RBFOX1: variants seen among roughly 807,000 people sequenced by gnomAD.
The protein encoded by RBFOX1 is RNA binding fox-1 homolog 1.
Under a neutral mutation model 57.7 loss-of-function variants are expected in RBFOX1, and 8 were observed. The ratio of observed to expected loss-of-function variants is 0.14; its 90% CI spans 0.08 to 0.25. The LOEUF (loss-of-function observed/expected upper bound fraction) is 0.25. Ranked by LOEUF, RBFOX1 falls within the 10% of genes least tolerant of loss-of-function variation. RBFOX1 has a pLI of 1.00. For missense variants in RBFOX1, 611 were observed against 548.5 expected (o/e 1.11, Z -1.14); for synonymous variants, 326 against 222.4 (o/e 1.47, Z -4.15).
chr16:6,896,923 A>C (rs993796868), intron 3 of RBFOX1, among the ~76,000 whole-genome samples: 37 of 152,258 alleles, frequency 2.4e-4, no homozygotes, highest in African/African-American at 8.4e-4. Flanking sequence ...CATTTGGTGA[A>C]AGAAAGCAAA....
At chr16:6,608,100 C>T (rs1247748806) in intron 2 of RBFOX1, among the ~76,000 whole-genome samples, 4 of 152,166 alleles carry the variant, frequency 2.6e-5, no homozygotes, top group Non-Finnish European at 5.9e-5. Context: ...TCTCATAGCA[C>T]CTGAAACAAC....
chr16:6,777,969 C>T (rs1209006603), intron 3 of RBFOX1, among the ~76,000 whole-genome samples: 1 of 152,120 alleles, frequency 6.6e-6, no homozygotes, highest in African/African-American at 2.4e-5. Flanking sequence ...ATGTGAGCAG[C>T]AGAATAAATA....
At chr16:5,735,985 A>C (rs2052556161) in intron 3 of RBFOX1, among the ~76,000 whole-genome samples, 1 of 152,148 alleles carries the variant, frequency 6.6e-6, no homozygotes, top group Non-Finnish European at 1.5e-5. Flanking sequence ...GTGTTCTTAA[A>C]AGCAGAGGTT....
intron 2 of RBFOX1, among the ~76,000 whole-genome samples, chr16:6,590,686 G>A (rs568049155): frequency 5.1e-4 from 78 of 152,230 alleles, no homozygotes; most frequent in Non-Finnish European, 8.5e-4. Flanking sequence ...TGCATACTAC[G>A]AATCTTTCTA....
chr16:7,159,803 C>T (rs2077916472), intron 4 of RBFOX1, among the ~76,000 whole-genome samples: 1 of 152,214 alleles, frequency 6.6e-6, no homozygotes, highest in African/African-American at 2.4e-5. Flanking sequence ...CCAACGCATA[C>T]ATCCCACCTG....
rs374237211 is a variant in RBFOX1 at position 7,158,710 on chromosome 16, A to T, written c.27+106612A>T. Among the ~76,000 whole-genome samples, 322 of 139,494 alleles carry T rather than the reference A, an allele frequency of 2.3e-3. 1 individual carries two copies. Among genetic ancestry groups the T allele is most frequent in the African/African-American group, 7.9e-3 (315 of 39,660 alleles). 91.5% of individuals were successfully genotyped at this position (139,494 alleles called of 152,430 possible). ...GTGTCTGTGTGTTTGTGTGGTGCAT[A>T]TGTGTGCATGCATCTGTTTGGTGTG... On this transcript the variant is annotated intron_variant, in intron 4 of 15. Coordinates refer to ENST00000550418, the MANE Select transcript of RBFOX1 (RefSeq NM_018723.4).
chr16:6,109,357 T>C (rs1395349451), intron 1 of RBFOX1, among the ~76,000 whole-genome samples: 1 of 152,228 alleles, frequency 6.6e-6, no homozygotes, highest in Non-Finnish European at 1.5e-5. Flanking sequence ...TTTGAAATGA[T>C]CTGTGGTAAA....
At chr16:6,229,093 C>G (rs17139600) in intron 1 of RBFOX1, among the ~76,000 whole-genome samples, 3 of 151,888 alleles carry the variant, frequency 2.0e-5, no homozygotes, top group African/African-American at 7.2e-5. Context: ...TATTGAGAGA[C>G]CATGTTGTGC....
chr16:7,475,434 C>T (rs1473979734), intron 4 of RBFOX1, among the ~76,000 whole-genome samples: 5 of 152,012 alleles, frequency 3.3e-5, no homozygotes, highest in South Asian at 4.1e-4. Context: ...CCTGCGTCAG[C>T]CTCCTGAGTA....
intron 1 of RBFOX1, among the ~76,000 whole-genome samples, chr16:5,455,059 GTC>G (rs2068588716): frequency 7.6e-6 from 1 of 130,922 alleles, no homozygotes; most frequent in Non-Finnish European, 1.6e-5. Flanking sequence ...TTCTTTCTCT[GTC>G]TCTTTCTCTC....
At chr16:5,790,859 ATTTTTTTTTTTTTTG>A (rs2151730332) in intron 3 of RBFOX1, among the ~76,000 whole-genome samples, 1 of 112,988 alleles carries the variant, frequency 8.9e-6, no homozygotes, top group African/African-American at 3.4e-5. Context: ...GTGGGTCTTT[ATTTTTTTTTTTTTTG>A]TTTTTTTTTT....
Position 6,738,781 on chromosome 16 carries a change from G to A in RBFOX1, c.-16+84131G>A, listed in dbSNP as rs116028074. On this transcript the variant is annotated intron_variant, in intron 3 of 15. Transcript: ENST00000550418. The stretch of plus-strand genomic sequence containing the variant: ...AATGTAAAGACAGTGAAATCTTGGG[G>A]TGTGGTCTCTGACAACAGTAGAATC... Among the ~76,000 whole-genome samples, 888 of 152,226 alleles carry A rather than the reference G, an allele frequency of 5.8e-3. 17 individuals carry two copies. Among genetic ancestry groups the A allele is most frequent in the African/African-American group, 0.02 (839 of 41,548 alleles).
intron 3 of RBFOX1, among the ~76,000 whole-genome samples, chr16:5,780,850 T>C (rs1039653453): frequency 6.6e-6 from 1 of 152,200 alleles, no homozygotes; most frequent in Admixed American, 6.5e-5. Flanking sequence ...TCTTGAAAAC[T>C]GGTAGGTGCC....
intron 4 of RBFOX1, among the ~76,000 whole-genome samples, chr16:7,184,661 C>G (rs186081017): frequency 7.1e-6 from 1 of 141,284 alleles, no homozygotes; most frequent in Non-Finnish European, 1.5e-5. Context: ...CATGGGTATA[C>G]CTAAACAGTT....
At chr16:6,309,453 TC>T (rs1346542916) in intron 1 of RBFOX1, among the ~76,000 whole-genome samples, 2 of 152,164 alleles carry the variant, frequency 1.3e-5, no homozygotes, top group African/African-American at 4.8e-5. Flanking sequence ...CCTTGGGTTT[TC>T]ATTTACAGTT....
intron 14 of RBFOX1, among the ~76,000 whole-genome samples, chr16:7,701,352 C>G (rs1433482561): frequency 6.6e-6 from 1 of 152,192 alleles, no homozygotes; most frequent in African/African-American, 2.4e-5. Context: ...CCCCCTCTCA[C>G]TCACATTCCT....
chr16:5,867,406 C>A, intron 4 of RBFOX1: 1 of 949,828 alleles, frequency 1.1e-6, no homozygotes, highest in Non-Finnish European at 1.4e-6. Context: ...TGGAGTGTAA[C>A]GAGCATTCTA....
At chr16:6,918,849 T>A (rs112817344) in intron 3 of RBFOX1, among the ~76,000 whole-genome samples, 3 of 152,222 alleles carry the variant, frequency 2.0e-5, no homozygotes, top group African/African-American at 4.8e-5. Flanking sequence ...TGCAACACAT[T>A]GCAGGCTTGG....
chr16:6,997,552 G>T (rs926213900), intron 3 of RBFOX1, among the ~76,000 whole-genome samples: 1 of 152,118 alleles, frequency 6.6e-6, no homozygotes, highest in Admixed American at 6.5e-5. Context: ...AGTTTAATGT[G>T]TATGCAAATT....
Sources: gnomAD v4.1 joint callset for allele counts (sites outside exome capture counted in the v4.1 genomes callset) on GRCh38, gnomAD v4.1.1 for gene constraint, MANE v1.5 for transcripts, NCBI Gene and HGNC (gene_info 2026-07-23, HGNC 2026-07-21) for gene names.